MED15: variants seen among roughly 807,000 people sequenced by gnomAD.
The protein encoded by MED15 is mediator of RNA polymerase II transcription subunit 15.
MED15 carries 41 observed loss-of-function variants against 118.7 expected under a neutral mutation model. The ratio of observed to expected loss-of-function variants is 0.35; its 90% CI spans 0.27 to 0.45. The LOEUF (loss-of-function observed/expected upper bound fraction) is 0.45, where lower values mean the gene tolerates loss of function less well. MED15 is among the 20% of genes least tolerant of loss of function. MED15 has a pLI of 1.00. For synonymous variants in MED15, 436 were observed against 413.9 expected (o/e 1.05, Z -0.65); for missense variants, 740 against 1,025.5 (o/e 0.72, Z 3.80).
At chr22:20,567,179 G>C (rs1268558549) in intron 7 of MED15, among the ~76,000 whole-genome samples, 1 of 152,208 alleles carries the variant, frequency 6.6e-6, no homozygotes, top group African/African-American at 2.4e-5. Flanking sequence ...TCAGTGTCTG[G>C]TGGTTTGCCA....
chr22:20,508,518 T>G (rs933921919), intron 1 of MED15: 1 of 797,432 alleles, frequency 1.3e-6, no homozygotes, highest in African/African-American at 1.8e-5. Context: ...CGAAGGGAGA[T>G]AGGGGTGGGG....
At chr22:20,582,083 C>G in intron 9 of MED15, 1 of 167,512 alleles carries the variant, frequency 6.0e-6, no homozygotes, top group Non-Finnish European at 1.3e-5. Context: ...CAGCCTGGGA[C>G]CAGCCCTGCA....
intron 2 of MED15, among the ~76,000 whole-genome samples, chr22:20,544,414 C>G (rs1046176012): frequency 6.6e-6 from 1 of 152,152 alleles, no homozygotes; most frequent in Non-Finnish European, 1.5e-5. Context: ...GCCTGTAATC[C>G]CAGCACTTTG....
intron 1 of MED15, among the ~76,000 whole-genome samples, chr22:20,535,876 T>C (rs9620216): frequency 6.7e-4 from 14 of 20,802 alleles, no homozygotes; most frequent in African/African-American, 3.1e-3. Context: ...TTCTTTCTTT[T>C]TTTTTTTTTT....
chr22:20,566,852 G>A (rs1262582289), intron 7 of MED15, 35 bp downstream of exon 7: 6 of 1,602,544 alleles, frequency 3.7e-6, no homozygotes, highest in Middle Eastern at 1.7e-4. Flanking sequence ...AGCACATGCA[G>A]CCCGTGGCTC....
intron 5 of MED15, among the ~76,000 whole-genome samples, chr22:20,555,640 G>A (rs886512816): frequency 6.6e-6 from 1 of 152,254 alleles, no homozygotes; most frequent in Non-Finnish European, 1.5e-5. Context: ...CACGGCTGCT[G>A]TGGTGGGAAA....
chr22:20,541,515 G>A (rs576391657), intron 2 of MED15, among the ~76,000 whole-genome samples: 2 of 152,214 alleles, frequency 1.3e-5, no homozygotes, highest in South Asian at 2.1e-4. Flanking sequence ...AGACAGTCTC[G>A]CTCTGTCGCC....
Position 20,579,069 on chromosome 22 carries a change from C to T in MED15, c.1273-3542C>T, listed in dbSNP as rs992357956. Among the ~76,000 whole-genome samples, 3 of 152,222 alleles carry T rather than the reference C, an allele frequency of 2.0e-5. No individual in the cohort carries two copies. The South Asian group carries it at 6.2e-4, about 32-fold the overall frequency. On this transcript the variant is annotated intron_variant, in intron 9 of 17. Coordinates refer to ENST00000263205, the MANE Select transcript of MED15 (RefSeq NM_001003891.3). ...TGGCATGGCCCATGCCACAATCCTC[C>T]CTTGGCAGATGTAAGCAGGCAGTGT...
chr22:20,539,482 T>C (rs1638037), intron 2 of MED15, among the ~76,000 whole-genome samples: 85,163 of 152,104 alleles, frequency 0.56, 24,158 homozygotes, highest in Admixed American at 0.69. Context: ...AGCCATTCGT[T>C]AGTTGGTGGA....
intron 1 of MED15, among the ~76,000 whole-genome samples, chr22:20,512,140 C>A (rs1256009446): frequency 6.6e-6 from 1 of 151,768 alleles, no homozygotes; most frequent in Non-Finnish European, 1.5e-5. Context: ...AGGCACACAC[C>A]ACCACGCCTG....
rs945346930 is a variant in MED15, at chr22:20,584,437, G to A, written c.1803+12G>A. ...ATGACATGGCGGTGGTGAGTGGGAT[G>A]CCAGACACCCCTAGGGGAACCAGGG... On this transcript the variant is annotated intron_variant, in intron 14 of 17. Transcript: ENST00000263205. The A allele has an allele frequency of 5.6e-6, 9 of 1,613,172 alleles. No homozygotes were observed. The Middle Eastern group carries it at 6.6e-4, about 118-fold the overall frequency.
intron 5 of MED15, among the ~76,000 whole-genome samples, chr22:20,561,321 C>T (rs949728459): frequency 2.0e-5 from 3 of 152,084 alleles, no homozygotes; most frequent in African/African-American, 4.8e-5. Context: ...GAGATTGAGG[C>T]GATCCTGGCC....
In MED15 at chr22:20,582,630, C is replaced by A. The variant is rs1449875924; in HGVS notation, c.1292C>A (p.Pro431His). ...PMAQVSQSSL[P>H]MLSSPSPGQQ... is the part of the protein sequence containing the mutation. The stretch of plus-strand genomic sequence containing the variant: ...TTCCAGGTCAGCCAGAGCAGCCTCC[C>A]CATGCTGTCCTCGCCGTCACCGGGC... Residue 431 changes from proline to histidine, a missense_variant, in exon 10 of 18, where the codon CCC (proline) becomes CAC (histidine). Around this residue, in one of 7 missense-constraint regions of MED15, gnomAD observed 384 missense variants for 506.3 expected, o/e 0.76. Coordinates refer to ENST00000263205, the MANE Select transcript of MED15 (RefSeq NM_001003891.3). 6.4e-7 allele frequency: 1 copy of A among 1,568,802 alleles called. No individual in the cohort carries two copies.
chr22:20,570,037 A>AT (rs1023439249), intron 8 of MED15, among the ~76,000 whole-genome samples: 1 of 151,794 alleles, frequency 6.6e-6, no homozygotes, highest in African/African-American at 2.4e-5. Context: ...AACTTTTTTT[A>AT]TTTTTTGAGA....
At chr22:20,517,760 C>A (rs1238914477) in intron 1 of MED15, among the ~76,000 whole-genome samples, 2 of 152,096 alleles carry the variant, frequency 1.3e-5, no homozygotes, top group African/African-American at 4.8e-5. Flanking sequence ...TGGGGGCTGT[C>A]CTGAGGGGAC....
At chr22:20,563,956 T>G (rs2056336169) in intron 5 of MED15, among the ~76,000 whole-genome samples, 1 of 152,162 alleles carries the variant, frequency 6.6e-6, no homozygotes, top group South Asian at 2.1e-4. Flanking sequence ...AGCCACAAAG[T>G]AGAAGCAGCG....
intron 8 of MED15, chr22:20,573,716 G>A (rs555496549): frequency 6.6e-6 from 1 of 152,206 alleles, no homozygotes; most frequent in South Asian, 2.1e-4. Flanking sequence ...CATTCCTTGC[G>A]TTTTTTTGTT....
At chr22:20,535,582 C>T (rs554827156) in intron 1 of MED15, among the ~76,000 whole-genome samples, 60 of 149,480 alleles carry the variant, frequency 4.0e-4, no homozygotes, top group African/African-American at 6.2e-4. Context: ...TTTTTTGAGA[C>T]GGAGTCTCGC....
chr22:20,576,027 G>A (rs1169979832), intron 9 of MED15, among the ~76,000 whole-genome samples: 1 of 152,064 alleles, frequency 6.6e-6, no homozygotes, highest in African/African-American at 2.4e-5. Context: ...TGTACATTAT[G>A]CTTTTCAGAG....
Sources: gnomAD v4.1 joint callset for allele counts (sites outside exome capture counted in the v4.1 genomes callset) on GRCh38, gnomAD v4.1.1 for gene constraint, gnomAD v4.1.1 regional missense constraint, MANE v1.5 for transcripts, NCBI Gene and HGNC (gene_info 2026-07-23, HGNC 2026-07-21) for gene names.